Variants in EEF2KMT observed in about 807,000 individuals in gnomAD.
EEF2KMT encodes eukaryotic elongation factor 2 lysine methyltransferase.
A neutral mutation model predicts 35.1 loss-of-function variants in EEF2KMT; 30 were observed. That is an observed-to-expected ratio of 0.85 (90% confidence interval 0.64 to 1.16). The LOEUF is 1.16. EEF2KMT is among the 50% of genes most tolerant of loss of function. The pLI, the probability that EEF2KMT is intolerant of heterozygous loss-of-function variation, is 0.00. For synonymous variants in EEF2KMT, 190 were observed against 187.7 expected (o/e 1.01, Z -0.10); for missense variants, 499 against 438.2 (o/e 1.14, Z -1.24).
chr16:5,093,648 A>G (rs1596279127), intron 2 of EEF2KMT, 84 bp from the exon 3 acceptor site: 1 of 1,591,376 alleles, frequency 6.3e-7, no homozygotes, highest in East Asian at 2.3e-5. Context: ...CAGAGGGCAA[A>G]CTCCAGGCTA....
At chr16:5,092,926 A>G (rs1464245955) in intron 3 of EEF2KMT, among the ~76,000 whole-genome samples, 1 of 152,040 alleles carries the variant, frequency 6.6e-6, no homozygotes, top group Non-Finnish European at 1.5e-5. Context: ...TGTCACGGTA[A>G]TCCAGCCTGG....
Position 5,084,811 on chromosome 16 carries a change from G to A in EEF2KMT, c.*821C>T, listed in dbSNP as rs758197753. 4 of 1,596,456 alleles carry A rather than the reference G, an allele frequency of 2.5e-6. No homozygotes were observed. The highest frequency in any genetic ancestry group is 2.3e-4 in the Middle Eastern group (1 of 4,428). ...CTAAACCAGTTCCGGAAGAACCTGC[G>A]GGAGTCGCAGCAGCTCCGATGGGAT... On this transcript the variant is annotated 3_prime_UTR_variant, in exon 8 of 8. Coordinates refer to ENST00000427587, the MANE Select transcript of EEF2KMT (RefSeq NM_201400.4).
At chr16:5,089,844 G>A (rs1434457993) in intron 6 of EEF2KMT, among the ~76,000 whole-genome samples, 2 of 152,240 alleles carry the variant, frequency 1.3e-5, no homozygotes, top group Non-Finnish European at 2.9e-5. Context: ...CTGGGACAGA[G>A]CCATGTGGTA....
chr16:5,094,570 G>T (rs1485936139), intron 2 of EEF2KMT, among the ~76,000 whole-genome samples: 1 of 152,180 alleles, frequency 6.6e-6, no homozygotes, highest in African/African-American at 2.4e-5. Flanking sequence ...GCCTTGTGCT[G>T]GGTTTTAAAG....
intron 3 of EEF2KMT, 110 bp from the exon 4 acceptor site, chr16:5,092,005 C>T: frequency 1.3e-6 from 2 of 1,540,804 alleles, no homozygotes; most frequent in East Asian, 2.4e-5. Flanking sequence ...TGGTATAATA[C>T]CGGCCAGCTG....
intron 1 of EEF2KMT, 66 bp downstream of exon 1, chr16:5,097,578 A>C (rs1251486057): frequency 6.5e-7 from 1 of 1,527,092 alleles, no homozygotes; most frequent in Non-Finnish European, 8.7e-7. Context: ...CAGCACGGAG[A>C]CCCGTCCCGT....
intron 4 of EEF2KMT, among the ~76,000 whole-genome samples, chr16:5,091,366 G>A (rs1277070161): frequency 1.3e-5 from 2 of 152,152 alleles, no homozygotes; most frequent in Non-Finnish European, 2.9e-5. Context: ...ACAGGCATGA[G>A]CCACCACGCC....
Position 5,090,755 on chromosome 16 carries a change from ACTCAT to A in EEF2KMT, c.343-195_343-191del, listed in dbSNP as rs1281279408. Reference sequence around the variant, plus strand: ...AAGGGTGTCACGCGGTGTGAAAGACACTCATCTCAGGCCACACAGGATTCCATTCA... The same window carrying A: ...AAGGGTGTCACGCGGTGTGAAAGACACTCAGGCCACACAGGATTCCATTCA... On this transcript the variant is annotated intron_variant, in intron 4 of 7. Coordinates refer to ENST00000427587, the MANE Select transcript of EEF2KMT (RefSeq NM_201400.4). The surrounding 1 kb of genome is among the most constrained non-coding windows in gnomAD (Gnocchi z 4.1). Among the ~76,000 whole-genome samples, 2 of 151,850 alleles carry A rather than the reference ACTCAT, an allele frequency of 1.3e-5. No homozygotes were observed. The highest frequency in any genetic ancestry group is 2.9e-5 in the Non-Finnish European group (2 of 67,964).
intron 7 of EEF2KMT, among the ~76,000 whole-genome samples, chr16:5,088,833 C>G (rs146743934): frequency 0.051 from 7,706 of 152,126 alleles, 361 homozygotes; most frequent in African/African-American, 0.12. Flanking sequence ...ATGAGGAAAC[C>G]GAGGCCCAAG....
At position 5,089,317 on chromosome 16, in the gene EEF2KMT, G is replaced by C. The variant is rs574254901; in HGVS notation, c.743-61C>G. ...GTGGACAGGTCCAGGTCATGCTGAC[G>C]TCAGCAGCAGGGCGAGGCCAGAGAG... On this transcript the variant is annotated intron_variant, in intron 6 of 7. Transcript: ENST00000427587. The C allele has an allele frequency of 1.3e-3, 1,995 of 1,592,294 alleles. 1 individual carries two copies. Among genetic ancestry groups the C allele is most frequent in the Admixed American group, 2.6e-3 (151 of 59,088 alleles).
intron 1 of EEF2KMT, chr16:5,097,182 T>C (rs1482378847): frequency 1.3e-6 from 1 of 781,476 alleles, no homozygotes; most frequent in Non-Finnish European, 1.7e-6. Context: ...CCTCAGAGCA[T>C]GAGCCGATTC....
rs377597702 is a variant in EEF2KMT, at chr16:5,089,132, C to T, written c.867G>A (p.Thr289=). Residue 289 remains threonine, a synonymous_variant, in exon 7 of 8, where the codon ACG becomes ACA. Transcript: ENST00000427587. The part of the protein sequence containing the change: ...YVAFTVRNPE[T]CQLFTTELGR... ...CTAGCTCGGTGGTGAACAGCTGGCA[C>T]GTCTCTGGGTTGCGGACGGTAAAGG... is the stretch of plus-strand genomic sequence containing the variant. 2.2e-4 allele frequency: 361 copies of T among 1,612,792 alleles called. 2 individuals are homozygous for T. The highest frequency in any genetic ancestry group is 1.3e-3 in the Middle Eastern group (7 of 5,482).
At chr16:5,087,595 C>A (rs984600152) in intron 7 of EEF2KMT, among the ~76,000 whole-genome samples, 1 of 152,116 alleles carries the variant, frequency 6.6e-6, no homozygotes, top group East Asian at 1.9e-4. Context: ...GTCAGGAGTT[C>A]AAGACCAGCC....
Position 5,085,511 on chromosome 16 carries a change from T to C in EEF2KMT, c.*121A>G. 1.2e-6 allele frequency: 1 copy of C among 852,036 alleles called. No homozygotes were observed. Among genetic ancestry groups the C allele is most frequent in the Non-Finnish European group, 2.0e-6 (1 of 500,784 alleles). The allele number at this position is 852,036 out of a possible 1,614,324, so 52.8% of individuals were successfully genotyped here. A position where few individuals can be genotyped will look rare whatever the true frequency, so the allele number is the denominator to read the frequency against. The stretch of plus-strand genomic sequence containing the variant: ...AGAGGGCAGTTTGTGGTTCCTGATT[T>C]GGAAATTAACATTCTCCAAACATTC... On this transcript the variant is annotated 3_prime_UTR_variant, in exon 8 of 8. Transcript: ENST00000427587.
chr16:5,097,612 C>G, intron 1 of EEF2KMT, 32 bp downstream of exon 1: 12 of 1,538,502 alleles, frequency 7.8e-6, no homozygotes, highest in Non-Finnish European at 1.0e-5. Context: ...CCCGCGAGCC[C>G]CGCGGGCCTC....
chr16:5,095,096 C>G (rs868169615), intron 2 of EEF2KMT, among the ~76,000 whole-genome samples: 2 of 152,302 alleles, frequency 1.3e-5, no homozygotes, highest in South Asian at 2.1e-4. Flanking sequence ...GTGGGCAGGA[C>G]AGGCCTCATG....
chr16:5,089,151 G>A lies in EEF2KMT; in HGVS notation c.848C>T (p.Thr283Ile), dbSNP rs1282117175. The A allele has an allele frequency of 8.1e-6, 13 of 1,612,520 alleles. No homozygotes were observed. The highest frequency in any genetic ancestry group is 2.2e-5 in the South Asian group (2 of 91,028). ...QRAPEVYVAF[T>I]VRNPETCQLF... ...CTGGCACGTCTCTGGGTTGCGGACG[G>A]TAAAGGCCACGTAGACCTCAGGAGC... is the stretch of plus-strand genomic sequence containing the variant. The change falls in exon 7 of 8, where the codon ACC becomes ATC. Residue 283 changes from threonine to isoleucine, a missense_variant. Physicochemically the swap from Thr to Ile is moderately conservative, Grantham distance 89. Coordinates refer to ENST00000427587, the MANE Select transcript of EEF2KMT (RefSeq NM_201400.4).
At position 5,097,773 on chromosome 16, in the gene EEF2KMT, C is replaced by G. The variant is rs746517528; in HGVS notation, c.-34G>C. 1 of 1,535,592 alleles carries G rather than the reference C, an allele frequency of 6.5e-7. No individual in the cohort carries two copies. The highest frequency in any genetic ancestry group is 8.7e-7 in the Non-Finnish European group (1 of 1,146,778). On this transcript the variant is annotated 5_prime_UTR_variant, in exon 1 of 8. Transcript: ENST00000427587. Reference sequence around the variant, plus strand: ...CGGGGCCGCAGCGTTGCCGGCAGACCGGGCGGAAGCCCGGCCTGGACTGAA... The same window carrying G: ...CGGGGCCGCAGCGTTGCCGGCAGACGGGGCGGAAGCCCGGCCTGGACTGAA...
chr16:5,096,873 A>G (rs1957479900), intron 1 of EEF2KMT, among the ~76,000 whole-genome samples: 1 of 152,270 alleles, frequency 6.6e-6, no homozygotes. Flanking sequence ...TTAAAAATGC[A>G]CGAATTTCTC....
Sources: allele counts gnomAD v4.1 joint callset (sites outside exome capture counted in the v4.1 genomes callset), GRCh38; gene constraint gnomAD v4.1.1; non-coding constraint Gnocchi (gnomAD v3.1); transcripts MANE v1.5; gene names NCBI Gene and HGNC (gene_info 2026-07-23, HGNC 2026-07-21).